Variants in CERS6 observed in about 807,000 individuals in gnomAD.
The protein encoded by CERS6 is ceramide synthase 6.
CERS6 carries 26 observed loss-of-function variants against 56.8 expected under a neutral mutation model. That is an observed-to-expected ratio of 0.46 (90% confidence interval 0.34 to 0.63). The LOEUF (loss-of-function observed/expected upper bound fraction) is 0.63, where lower values mean the gene tolerates loss of function less well. Among genes scored for constraint, CERS6 ranks in the 30% least tolerant of loss-of-function variants. The pLI, the probability that CERS6 is intolerant of heterozygous loss-of-function variation, is 0.01. For synonymous variants in CERS6, 164 were observed against 173.3 expected, an observed-to-expected ratio of 0.95 and a Z score of 0.42; for missense variants, 415 against 467.5, an observed-to-expected ratio of 0.89 and a Z score of 1.04.
intron 3 of CERS6, among the ~76,000 whole-genome samples, chr2:168,591,329 A>C (rs1055847842): frequency 6.6e-6 from 1 of 152,266 alleles, no homozygotes; most frequent in African/African-American, 2.4e-5. Flanking sequence ...CACCATCCAC[A>C]TCATGAAGTT....
intron 1 of CERS6, among the ~76,000 whole-genome samples, chr2:168,480,920 G>A (rs1694165891): frequency 6.6e-6 from 1 of 152,210 alleles, no homozygotes; most frequent in South Asian, 2.1e-4. Context: ...GTAGCATGGG[G>A]AGTCCATGTT....
intron 1 of CERS6, among the ~76,000 whole-genome samples, chr2:168,469,371 T>A (rs150797996): frequency 6.6e-6 from 1 of 152,320 alleles, no homozygotes; most frequent in East Asian, 1.9e-4. Context: ...CTTAGGGTGA[T>A]GAAAGGGGAC....
chr2:168,703,453 G>A (rs1380657383), intron 6 of CERS6, among the ~76,000 whole-genome samples: 1 of 152,006 alleles, frequency 6.6e-6, no homozygotes, highest in Non-Finnish European at 1.5e-5. Context: ...AGCTACTCAG[G>A]AGGCTGAGGC....
At chr2:168,718,543 A>G in intron 8 of CERS6, among the ~76,000 whole-genome samples, 1 of 152,230 alleles carries the variant, frequency 6.6e-6, no homozygotes, top group East Asian at 1.9e-4. Flanking sequence ...TCTTTTCATT[A>G]GCTGTATACC....
intron 8 of CERS6, among the ~76,000 whole-genome samples, chr2:168,728,694 C>T (rs1186500006): frequency 1.3e-5 from 2 of 151,742 alleles, no homozygotes; most frequent in Non-Finnish European, 2.9e-5. Flanking sequence ...CCTTTTGTGA[C>T]TTGAATCAAC....
At chr2:168,764,149 T>C (rs1684661704) in intron 8 of CERS6, among the ~76,000 whole-genome samples, 1 of 152,148 alleles carries the variant, frequency 6.6e-6, no homozygotes, top group Non-Finnish European at 1.5e-5. Context: ...ATTTTTTTTA[T>C]TTTTTATTTT....
chr2:168,513,048 A>G lies in CERS6; in HGVS notation c.171-34548A>G, dbSNP rs192219060. 1.5e-3 allele frequency among the ~76,000 whole-genome samples: 228 copies of G among 152,242 alleles called. 1 individual carries two copies. The highest frequency in any genetic ancestry group is 6.8e-3 in the Middle Eastern group (2 of 294). ...TTTTAATTCTGCAGTCTCTCCTCAA[A>G]TATTTAGTTCTCCTTGGTTACCCTG... On this transcript the variant is annotated intron_variant, in intron 1 of 9. Transcript: ENST00000305747.
rs554288510 is a variant in CERS6, at chr2:168,464,779, A to C, written c.170+8161A>C. ...TGAGACCCCATGTCAAAAAAACCAA[A>C]CAAACAAAAAAAGACTTATTATTAG... is the stretch of plus-strand genomic sequence containing the variant. On this transcript the variant is annotated intron_variant, in intron 1 of 9. Coordinates refer to ENST00000305747, the MANE Select transcript of CERS6 (RefSeq NM_203463.3). Among the ~76,000 whole-genome samples, 5 of 152,302 alleles carry C rather than the reference A, an allele frequency of 3.3e-5. No individual in the cohort carries two copies. In the South Asian group the frequency reaches 6.2e-4, roughly 19 times the overall value.
At chr2:168,732,046 G>A (rs566791715) in intron 8 of CERS6, among the ~76,000 whole-genome samples, 4 of 152,270 alleles carry the variant, frequency 2.6e-5, no homozygotes, top group African/African-American at 7.2e-5. Flanking sequence ...AAGAGGTAGG[G>A]AAGAAACAGA....
At chr2:168,506,433 TCCGACCCA>T (rs1694679283) in intron 1 of CERS6, among the ~76,000 whole-genome samples, 1 of 152,194 alleles carries the variant, frequency 6.6e-6, no homozygotes, top group Non-Finnish European at 1.5e-5. Context: ...TCCAGGTGTG[TCCGACCCA>T]CCTGATTTAT....
chr2:168,540,183 C>T (rs1284591003), intron 1 of CERS6, among the ~76,000 whole-genome samples: 2 of 151,252 alleles, frequency 1.3e-5, no homozygotes, highest in Non-Finnish European at 2.9e-5. Context: ...CCAGTATAGT[C>T]ATGAGCTGCA....
At chr2:168,711,888 C>T (rs967028884) in intron 6 of CERS6, among the ~76,000 whole-genome samples, 4 of 151,950 alleles carry the variant, frequency 2.6e-5, no homozygotes, top group African/African-American at 9.7e-5. Context: ...TCGATAAGAC[C>T]CTGGTTTTAA....
At chr2:168,689,241 G>C (rs1246112168) in intron 4 of CERS6, among the ~76,000 whole-genome samples, 1 of 152,152 alleles carries the variant, frequency 6.6e-6, no homozygotes, top group Non-Finnish European at 1.5e-5. Flanking sequence ...TTTCCTTCAA[G>C]GACTTTCAGT....
intron 1 of CERS6, among the ~76,000 whole-genome samples, chr2:168,516,501 A>G (rs1574036747): frequency 1.3e-5 from 2 of 152,214 alleles, no homozygotes; most frequent in East Asian, 3.8e-4. Flanking sequence ...TTTCTTTGCC[A>G]TACGACTTTG....
chr2:168,707,256 T>G (rs1005423862), intron 6 of CERS6, among the ~76,000 whole-genome samples: 3 of 152,182 alleles, frequency 2.0e-5, no homozygotes, highest in Non-Finnish European at 2.9e-5. Flanking sequence ...AGGACCTAAA[T>G]GTGTATACAT....
At chr2:168,577,546 A>G (rs1463760988) in intron 3 of CERS6, among the ~76,000 whole-genome samples, 1 of 152,224 alleles carries the variant, frequency 6.6e-6, no homozygotes, top group Non-Finnish European at 1.5e-5. Context: ...ATGATCCAGC[A>G]AAGAGGGAAA....
At chr2:168,714,931 A>G in intron 6 of CERS6, 70 bp from the exon 7 acceptor site, 1 of 1,460,912 alleles carries the variant, frequency 6.8e-7, no homozygotes, top group South Asian at 1.3e-5. Context: ...ATACTGGTTC[A>G]GTGGCTGAAT....
chr2:168,625,280 AGAGTT>A (rs1450458258), intron 3 of CERS6, among the ~76,000 whole-genome samples: 1 of 152,194 alleles, frequency 6.6e-6, no homozygotes, highest in Non-Finnish European at 1.5e-5. Flanking sequence ...ATACCATTCC[AGAGTT>A]GACTATTTTT....
intron 8 of CERS6, among the ~76,000 whole-genome samples, chr2:168,723,659 A>T (rs1423307318): frequency 6.6e-6 from 1 of 152,220 alleles, no homozygotes; most frequent in Non-Finnish European, 1.5e-5. Flanking sequence ...TGATTATGTC[A>T]TATAATGACT....
Sources: gnomAD v4.1 joint callset for allele counts (sites outside exome capture counted in the v4.1 genomes callset) on GRCh38, gnomAD v4.1.1 for gene constraint, MANE v1.5 for transcripts, NCBI Gene and HGNC (gene_info 2026-07-23, HGNC 2026-07-21) for gene names.